XPO6: variants seen among roughly 807,000 people sequenced by gnomAD.
XPO6 encodes exportin-6.
In XPO6, 3 loss-of-function variants were observed where a neutral mutation model predicts 130.0. The observed-to-expected ratio is 0.02, with a 90% CI of 0.01 to 0.06. The LOEUF (loss-of-function observed/expected upper bound fraction) is 0.06, where lower values mean the gene tolerates loss of function less well. XPO6 is among the 10% of genes least tolerant of loss of function. The probability of loss-of-function intolerance (pLI) is 1.00; values close to 1 mark genes in which losing one functional copy is unlikely to be tolerated. For missense variants in XPO6, 970 were observed against 1,393.0 expected (o/e 0.70, Z 4.83); for synonymous variants, 524 against 548.9 (o/e 0.95, Z 0.63).
At chr16:28,199,272 A>G (rs1225715938) in intron 1 of XPO6, among the ~76,000 whole-genome samples, 2 of 152,238 alleles carry the variant, frequency 1.3e-5, no homozygotes, top group Non-Finnish European at 2.9e-5. Flanking sequence ...AATCCTTGAT[A>G]GATCACTCAA....
At chr16:28,160,114 G>A (rs949039774) in intron 6 of XPO6, among the ~76,000 whole-genome samples, 3 of 150,594 alleles carry the variant, frequency 2.0e-5, no homozygotes, top group Admixed American at 2.0e-4. Flanking sequence ...GAACCCGGGA[G>A]GTGGAGGTTG....
At chr16:28,186,601 T>C (rs1258773412) in intron 1 of XPO6, among the ~76,000 whole-genome samples, 3 of 151,760 alleles carry the variant, frequency 2.0e-5, no homozygotes. Context: ...AACACCTGAC[T>C]TCAAGTGATC....
At chr16:28,118,929 G>A (rs1274206823) in intron 14 of XPO6, among the ~76,000 whole-genome samples, 2 of 152,182 alleles carry the variant, frequency 1.3e-5, no homozygotes, top group Non-Finnish European at 2.9e-5. Flanking sequence ...AAGACCTGGG[G>A]AAAACGGATA....
At chr16:28,107,466 G>T in intron 18 of XPO6, 56 bp downstream of exon 18, 2 of 1,597,198 alleles carry the variant, frequency 1.3e-6, no homozygotes, top group Non-Finnish European at 1.7e-6. Flanking sequence ...ATCTAAGTGG[G>T]TATTCTGGCC....
At position 28,164,186 on chromosome 16, in the gene XPO6, GC is replaced by G. The variant is rs202035800; in HGVS notation, c.643+2321del. ...TAAACCTAAGACACAGGGCAGGAGA[GC>G]CCCACAGGGGCTGAGCTAAGGAATT... On this transcript the variant is annotated intron_variant, in intron 6 of 23. Coordinates refer to ENST00000304658, the MANE Select transcript of XPO6 (RefSeq NM_015171.4). 6.5e-3 allele frequency among the ~76,000 whole-genome samples: 985 copies of G among 152,340 alleles called. 10 individuals are homozygous for G. Among genetic ancestry groups the G allele is most frequent in the African/African-American group, 0.023 (938 of 41,574 alleles).
intron 1 of XPO6, among the ~76,000 whole-genome samples, chr16:28,186,912 TACTC>T (rs2043705036): frequency 6.6e-6 from 1 of 152,190 alleles, no homozygotes; most frequent in Non-Finnish European, 1.5e-5. Context: ...GAGAATTCAA[TACTC>T]ACTAAGTAAC....
intron 6 of XPO6, among the ~76,000 whole-genome samples, chr16:28,161,600 T>C (rs2043279878): frequency 6.6e-6 from 1 of 152,102 alleles, no homozygotes; most frequent in Non-Finnish European, 1.5e-5. Flanking sequence ...TCTATAATAA[T>C]ACTTATGGTA....
intron 9 of XPO6, among the ~76,000 whole-genome samples, chr16:28,139,907 C>G (rs1337714863): frequency 6.6e-6 from 1 of 152,170 alleles, no homozygotes; most frequent in Admixed American, 6.5e-5. Context: ...TCACCCCCCT[C>G]TCAGTAACTG....
chr16:28,170,011 T>C, intron 4 of XPO6, 102 bp from the exon 5 acceptor site: 4 of 1,432,136 alleles, frequency 2.8e-6, no homozygotes, highest in Admixed American at 4.2e-5. Context: ...TGTTTAATCT[T>C]ACATGAACAT....
At chr16:28,127,675 G>A (rs1381291468) in intron 12 of XPO6, among the ~76,000 whole-genome samples, 2 of 152,184 alleles carry the variant, frequency 1.3e-5, no homozygotes, top group African/African-American at 2.4e-5. Flanking sequence ...TGAATGCCTC[G>A]ATCCGCCACC....
chr16:28,151,263 A>C (rs1278642805), intron 8 of XPO6, among the ~76,000 whole-genome samples: 1 of 152,118 alleles, frequency 6.6e-6, no homozygotes. Context: ...ATATCAACTA[A>C]AACAGCTATC....
At chr16:28,121,354 C>T (rs892420290) in intron 14 of XPO6, among the ~76,000 whole-genome samples, 4 of 152,184 alleles carry the variant, frequency 2.6e-5, no homozygotes, top group African/African-American at 9.7e-5. Flanking sequence ...CACACCTATC[C>T]AGTCTCTTCT....
At position 28,106,112 on chromosome 16, in the gene XPO6, C is replaced by A; in HGVS notation, c.2715G>T (p.Gln905His). ...ILQVVVQEPG[Q>H]VFKPFLPSII... ...TGCTGGGGAGGAAGGGCTTGAACAC[C>A]TGGCCTGGCTCCTGGACCACCACCT... Residue 905 changes from glutamine (Q) to histidine (H), a missense_variant, in exon 20 of 24, where the codon CAG becomes CAT. Gln to His is a conservative substitution (Grantham distance 24). Around this residue, in one of 4 missense-constraint regions of XPO6, gnomAD observed 936 missense variants for 1,306.8 expected, o/e 0.72. Transcript: ENST00000304658. The surrounding 1 kb of genome is among the most constrained non-coding windows in gnomAD (Gnocchi z 4.2). The A allele has an allele frequency of 6.2e-7, 1 of 1,614,200 alleles. No homozygotes were observed. Among genetic ancestry groups the A allele is most frequent in the Non-Finnish European group, 8.5e-7 (1 of 1,180,036 alleles).
At chr16:28,117,651 C>G (rs994045811) in intron 14 of XPO6, among the ~76,000 whole-genome samples, 189 bp from the exon 15 acceptor site, 4 of 152,172 alleles carry the variant, frequency 2.6e-5, no homozygotes, top group Non-Finnish European at 5.9e-5. Context: ...CTAAACATTG[C>G]CACCGCTGAC....
In XPO6 at chr16:28,101,256, G is replaced by C. The variant is rs1274853141; in HGVS notation, c.3276+202C>G. ...TGAGACTAAGAACATACGTGCTACA[G>C]ACACCAAGACTGGGGAAAAGGCTGT... On this transcript the variant is annotated intron_variant, in intron 23 of 23. Transcript: ENST00000304658. The surrounding 1 kb of genome is among the most constrained non-coding windows in gnomAD (Gnocchi z 5.4). 4 of 659,980 alleles carry C rather than the reference G, an allele frequency of 6.1e-6. No homozygotes were observed. The South Asian group carries it at 6.5e-5, about 11-fold the overall frequency. The allele number at this position is 659,980 out of a possible 1,614,324, so 40.9% of individuals were successfully genotyped here. A position where few individuals can be genotyped will look rare whatever the true frequency, so the allele number is the denominator to read the frequency against.
At chr16:28,153,657 T>C in intron 7 of XPO6, 1 of 985,348 alleles carries the variant, frequency 1.0e-6, no homozygotes, top group Non-Finnish European at 1.2e-6. Context: ...AGCCCCTAAA[T>C]ACCAAAAGGT....
intron 1 of XPO6, among the ~76,000 whole-genome samples, chr16:28,206,408 A>T (rs1472776696): frequency 6.6e-6 from 1 of 152,098 alleles, no homozygotes; most frequent in Non-Finnish European, 1.5e-5. Context: ...TTAGCTGGGC[A>T]TGGTGGCATG....
intron 7 of XPO6, 91 bp downstream of exon 7, chr16:28,155,983 C>A: frequency 6.7e-7 from 1 of 1,496,774 alleles, no homozygotes; most frequent in South Asian, 1.4e-5. Flanking sequence ...ATTCTGAAAT[C>A]AAAGAGGATT....
At chr16:28,099,161 C>G (rs2086599144) in intron 23 of XPO6, among the ~76,000 whole-genome samples, 1 of 152,234 alleles carries the variant, frequency 6.6e-6, no homozygotes, top group African/African-American at 2.4e-5. Context: ...GCCCCTGCCC[C>G]TCGAGAGCCA....
Sources: allele counts gnomAD v4.1 joint callset (sites outside exome capture counted in the v4.1 genomes callset), GRCh38; gene constraint gnomAD v4.1.1; regional missense constraint gnomAD v4.1.1; non-coding constraint Gnocchi (gnomAD v3.1); transcripts MANE v1.5; gene names NCBI Gene and HGNC (gene_info 2026-07-23, HGNC 2026-07-21).